Variants in DMD observed in about 807,000 individuals in gnomAD.
DMD encodes the protein mutant dystrophin.
Under a neutral mutation model 330.1 loss-of-function variants are expected in DMD, and 63 were observed. The ratio of observed to expected loss-of-function variants is 0.19; its 90% CI spans 0.16 to 0.24. The LOEUF (loss-of-function observed/expected upper bound fraction) is 0.24, where lower values mean the gene tolerates loss of function less well. Ranked by LOEUF, DMD falls within the 10% of genes least tolerant of loss-of-function variation. DMD has a pLI of 1.00. For missense variants in DMD, 3,344 were observed against 2,684.1 expected, an observed-to-expected ratio of 1.25 and a Z score of -5.43; for synonymous variants, 1,223 against 959.8, an observed-to-expected ratio of 1.27 and a Z score of -5.07.
At chrX:32,645,248 T>A (rs889572304) in intron 9 of DMD, 96 bp from the exon 10 acceptor site, 1 of 954,413 alleles carries the variant, frequency 1.0e-6, no homozygotes, top group African/African-American at 1.9e-5. Context: ...TTTAAAATGC[T>A]AGGACTGTCC....
chrX:32,422,549 AT>A (rs2098194477), intron 29 of DMD, among the ~76,000 whole-genome samples: 1 of 112,012 alleles, frequency 8.9e-6, no homozygotes, highest in South Asian at 3.7e-4. Context: ...TGAAATTGGT[AT>A]TAATGCTGGT....
At chrX:32,092,141 T>G (rs185876112) in intron 44 of DMD, among the ~76,000 whole-genome samples, 3 of 111,407 alleles carry the variant, frequency 2.7e-5, no homozygotes, top group African/African-American at 9.8e-5. Context: ...CAATTTCCAG[T>G]GGTTTAAAAG....
At position 33,009,549 on chromosome X, in the gene DMD, T is replaced by C. The variant is rs184403706; in HGVS notation, c.93+10590A>G. Among the ~76,000 whole-genome samples, 2 of 60,763 alleles carry C rather than the reference T, an allele frequency of 3.3e-5. 1 individual carries two copies. Among genetic ancestry groups the C allele is most frequent in the African/African-American group, 1.3e-4 (2 of 15,251 alleles). 52.8% of individuals were successfully genotyped at this position (60,763 alleles called of 115,157 possible). ...GTATGTGTGTATGTGTATATACACA[T>C]ATGTGTGTATGTGTGTATGTGTATA... is the stretch of plus-strand genomic sequence containing the variant. On this transcript the variant is annotated intron_variant, in intron 2 of 78. Transcript: ENST00000357033.
intron 55 of DMD, among the ~76,000 whole-genome samples, chrX:31,512,041 T>C (rs1255026561): frequency 9.1e-6 from 1 of 110,040 alleles, no homozygotes; most frequent in African/African-American, 3.3e-5. Flanking sequence ...TGGTGTGAGA[T>C]GGTATCTCAT....
intron 29 of DMD, among the ~76,000 whole-genome samples, chrX:32,424,036 A>G (rs2098201515): frequency 9.0e-6 from 1 of 111,028 alleles, no homozygotes; most frequent in East Asian, 2.8e-4. Flanking sequence ...TTTATTATCT[A>G]TGTGTAAATA....
chrX:31,145,492 A>G (rs971358738), intron 76 of DMD, among the ~76,000 whole-genome samples: 1 of 111,425 alleles, frequency 9.0e-6, no homozygotes, highest in African/African-American at 3.3e-5. Context: ...ACTTACTTCA[A>G]GTATAGATCT....
At chrX:32,311,564 T>C (rs1019332003) in intron 41 of DMD, among the ~76,000 whole-genome samples, 9 of 111,792 alleles carry the variant, frequency 8.1e-5, no homozygotes, top group East Asian at 2.8e-4. Context: ...TATTAAATAA[T>C]TATACCTTTT....
chrX:31,718,382 C>T (rs1264799766), intron 52 of DMD, among the ~76,000 whole-genome samples: 2 of 110,664 alleles, frequency 1.8e-5, no homozygotes, highest in Admixed American at 9.7e-5. Flanking sequence ...CATTGTCAAC[C>T]CTTGAGAAGG....
At chrX:31,731,298 G>A (rs1057174733) in intron 51 of DMD, among the ~76,000 whole-genome samples, 2 of 111,785 alleles carry the variant, frequency 1.8e-5, no homozygotes, top group African/African-American at 6.5e-5. Flanking sequence ...GCATAAGTCA[G>A]CTGGAGAGTA....
In DMD at chrX:32,477,275, C is replaced by T. The variant is rs192271278; in HGVS notation, c.2804-4966G>A. On this transcript the variant is annotated intron_variant, in intron 21 of 78. Transcript: ENST00000357033. ...AAAATAAAAATTAAGGGCTCCTATC[C>T]TGCACTACTGTTTATCTTGAAAAGT... Among the ~76,000 whole-genome samples the T allele has an allele frequency of 9.2e-5, 10 of 108,893 alleles. 1 individual carries two copies. The highest frequency in any genetic ancestry group is 8.5e-4 in the East Asian group (3 of 3,511). 94.6% of individuals were successfully genotyped at this position (108,893 alleles called of 115,157 possible). A position where few individuals can be genotyped will look rare whatever the true frequency, so the allele number is the denominator to read the frequency against.
At chrX:32,298,795 TGG>T (rs1263978144) in intron 42 of DMD, among the ~76,000 whole-genome samples, 1 of 110,647 alleles carries the variant, frequency 9.0e-6, no homozygotes, top group Non-Finnish European at 1.9e-5. Flanking sequence ...TCACTGCTGC[TGG>T]GGCCCAACAG....
intron 6 of DMD, among the ~76,000 whole-genome samples, chrX:32,811,630 TTGA>T (rs1165224072): frequency 1.8e-5 from 2 of 111,769 alleles, no homozygotes; most frequent in African/African-American, 6.5e-5. Flanking sequence ...ACCATGTTAC[TTGA>T]TAATAGAGAA....
intron 43 of DMD, among the ~76,000 whole-genome samples, chrX:32,238,125 G>A (rs1195540945): frequency 3.6e-5 from 4 of 111,609 alleles, no homozygotes; most frequent in South Asian, 3.7e-4. Context: ...AGTTTATCAG[G>A]GTGTACAATT....
chrX:33,171,311 G>A (rs1256324825), intron 1 of DMD, among the ~76,000 whole-genome samples: 2 of 110,440 alleles, frequency 1.8e-5, no homozygotes, highest in African/African-American at 6.6e-5. Flanking sequence ...CACCTCTCTG[G>A]TTTGAAACCT....
At position 32,595,784 on chromosome X, in the gene DMD, T is replaced by C. The variant is rs144372300; in HGVS notation, c.1575A>G (p.Ala525=). 4.0e-5 allele frequency: 48 copies of C among 1,209,022 alleles called. No homozygotes were observed. The African/African-American group carries it at 7.9e-4, about 20-fold the overall frequency. Residue 525 remains alanine, a synonymous_variant, in exon 13 of 79, where the codon GCA becomes GCG. Coordinates refer to ENST00000357033, the MANE Select transcript of DMD (RefSeq NM_004006.3). ...TAAGTTGTTCTTCCAAAGCAGCAGT[T>C]GCGTGATCTCCACTAGATTCATCAA... The part of the protein sequence containing the change: ...VVVDESSGDH[A]TAALEEQLKV...
intron 30 of DMD, among the ~76,000 whole-genome samples, chrX:32,399,254 A>G (rs1234196886): frequency 9.0e-6 from 1 of 111,620 alleles, no homozygotes; most frequent in Non-Finnish European, 1.9e-5. Context: ...CCAAGTTAAA[A>G]ATCTTCTTCA....
At chrX:32,129,816 G>C (rs1263980138) in intron 44 of DMD, among the ~76,000 whole-genome samples, 3 of 108,539 alleles carry the variant, frequency 2.8e-5, no homozygotes, top group African/African-American at 1.0e-4. Flanking sequence ...TTCTGATTTC[G>C]AGGCCAACGA....
At chrX:32,294,419 G>C (rs746737434) in intron 42 of DMD, among the ~76,000 whole-genome samples, 8 of 111,677 alleles carry the variant, frequency 7.2e-5, no homozygotes, top group Admixed American at 5.7e-4. Context: ...TATGGTATGC[G>C]TGTGTTTGTG....
chrX:31,790,765 C>G (rs1291839901), intron 50 of DMD, among the ~76,000 whole-genome samples: 1 of 111,024 alleles, frequency 9.0e-6, no homozygotes, highest in Non-Finnish European at 1.9e-5. Flanking sequence ...TATTAATTCC[C>G]AATCCAGTGA....
Sources: gnomAD v4.1 joint callset for allele counts (sites outside exome capture counted in the v4.1 genomes callset) on GRCh38, gnomAD v4.1.1 for gene constraint, MANE v1.5 for transcripts, NCBI Gene and HGNC (gene_info 2026-07-23, HGNC 2026-07-21) for gene names.